CAMTA1: variants seen among roughly 807,000 people sequenced by gnomAD.
CAMTA1 encodes the protein calmodulin binding transcription activator 1.
Under a neutral mutation model 170.9 loss-of-function variants are expected in CAMTA1, and 27 were observed. The observed-to-expected ratio is 0.16, with a 90% CI of 0.12 to 0.22. The LOEUF is 0.22. Ranked by LOEUF, CAMTA1 falls within the 10% of genes least tolerant of loss-of-function variation. The probability of loss-of-function intolerance (pLI) is 1.00; values close to 1 mark genes in which losing one functional copy is unlikely to be tolerated. For synonymous variants in CAMTA1, 833 were observed against 891.5 expected (o/e 0.93, Z 1.17); for missense variants, 1,619 against 2,217.2 (o/e 0.73, Z 5.42).
chr1:7,724,691 C>T (rs1239041240), intron 11 of CAMTA1, among the ~76,000 whole-genome samples: 2 of 151,880 alleles, frequency 1.3e-5, no homozygotes, highest in Admixed American at 1.3e-4. Context: ...GGTGTGGTGG[C>T]TCATGCCTGT....
chr1:6,898,122 A>C (rs1343953885), intron 3 of CAMTA1, among the ~76,000 whole-genome samples: 2 of 152,320 alleles, frequency 1.3e-5, no homozygotes, highest in South Asian at 2.1e-4. Flanking sequence ...TGGCTCATTA[A>C]ATATTTCTTA....
In CAMTA1 at chr1:7,682,850, C is replaced by T. The variant is rs771542390; in HGVS notation, c.2914+5117C>T. Among the ~76,000 whole-genome samples, 3 of 152,204 alleles carry T rather than the reference C, an allele frequency of 2.0e-5. No homozygotes were observed. The highest frequency in any genetic ancestry group is 4.8e-5 in the African/African-American group (2 of 41,460). Reference sequence around the variant, plus strand: ...ACCCTCAGCTGGCCCATGAACACATCGCATGACATGGGATGCTGTAAGAGA... The same window carrying T: ...ACCCTCAGCTGGCCCATGAACACATTGCATGACATGGGATGCTGTAAGAGA... On this transcript the variant is annotated intron_variant, in intron 11 of 22. Coordinates refer to ENST00000303635, the MANE Select transcript of CAMTA1 (RefSeq NM_015215.4). This position sits in a 1 kb window ranked among gnomAD's most constrained non-coding sequence, Gnocchi z 5.0.
chr1:7,476,810 C>T (rs2093426743), intron 6 of CAMTA1, among the ~76,000 whole-genome samples: 1 of 152,214 alleles, frequency 6.6e-6, no homozygotes, highest in African/African-American at 2.4e-5. Context: ...TCATCCTCAT[C>T]CTGTCACCAG....
chr1:6,940,383 A>G (rs180885464), intron 3 of CAMTA1, among the ~76,000 whole-genome samples: 7 of 151,986 alleles, frequency 4.6e-5, no homozygotes, highest in African/African-American at 1.2e-4. Flanking sequence ...GCTTCCCCTC[A>G]CCTTTCTGCT....
chr1:7,542,127 T>C (rs2094619529), intron 6 of CAMTA1, among the ~76,000 whole-genome samples: 1 of 152,224 alleles, frequency 6.6e-6, no homozygotes, highest in Middle Eastern at 3.2e-3. Flanking sequence ...TTTTTCTAAT[T>C]AGAAAAATTA....
intron 11 of CAMTA1, among the ~76,000 whole-genome samples, chr1:7,728,277 C>T (rs943988785): frequency 5.9e-5 from 9 of 152,198 alleles, no homozygotes; most frequent in African/African-American, 9.7e-5. Flanking sequence ...CTGCAGTGCC[C>T]GTGCTTGGCG....
intron 5 of CAMTA1, among the ~76,000 whole-genome samples, chr1:7,411,854 A>C (rs991593038): frequency 2.4e-4 from 36 of 151,752 alleles, no homozygotes; most frequent in African/African-American, 8.0e-4. Flanking sequence ...GTGTACTGCA[A>C]CCATTAACTC....
Position 7,588,302 on chromosome 1 carries a change from G to A in CAMTA1, c.511-52098G>A, listed in dbSNP as rs553798309. On this transcript the variant is annotated intron_variant, in intron 6 of 22. Coordinates refer to ENST00000303635, the MANE Select transcript of CAMTA1 (RefSeq NM_015215.4). The surrounding 1 kb of genome is among the most constrained non-coding windows in gnomAD (Gnocchi z 5.8). ...CTGGTGTGGCCCTGCTGGGGACCCCGGGTCTGTCAGGTCTGGTGAGAGGTG... is the reference window on the plus strand; with the variant it reads ...CTGGTGTGGCCCTGCTGGGGACCCCAGGTCTGTCAGGTCTGGTGAGAGGTG... 4.1e-4 allele frequency among the ~76,000 whole-genome samples: 62 copies of A among 152,260 alleles called. 3 individuals carry two copies. The South Asian group carries it at 0.011, about 26-fold the overall frequency.
At chr1:7,405,117 G>A (rs1210650684) in intron 5 of CAMTA1, among the ~76,000 whole-genome samples, 4 of 152,044 alleles carry the variant, frequency 2.6e-5, no homozygotes, top group South Asian at 2.1e-4. Flanking sequence ...AGAGGTCCCC[G>A]GGCCTTCCCT....
intron 3 of CAMTA1, among the ~76,000 whole-genome samples, chr1:6,912,073 G>A (rs1384471218): frequency 6.6e-6 from 1 of 152,210 alleles, no homozygotes; most frequent in African/African-American, 2.4e-5. Flanking sequence ...CCGGATTGGT[G>A]GGTGGCTCTA....
chr1:7,583,985 G>C (rs1347239115), intron 6 of CAMTA1, among the ~76,000 whole-genome samples: 1 of 152,170 alleles, frequency 6.6e-6, no homozygotes, highest in Non-Finnish European at 1.5e-5. Flanking sequence ...AGATGAGCTG[G>C]GATGGAGAAT....
intron 6 of CAMTA1, among the ~76,000 whole-genome samples, chr1:7,526,957 G>A (rs1294334641): frequency 6.6e-6 from 1 of 152,186 alleles, no homozygotes; most frequent in Non-Finnish European, 1.5e-5. Context: ...GTGTTTCCAA[G>A]AAAGCAGCCT....
At chr1:7,033,388 A>G (rs1322330094) in intron 3 of CAMTA1, among the ~76,000 whole-genome samples, 2 of 151,946 alleles carry the variant, frequency 1.3e-5, no homozygotes, top group Admixed American at 6.6e-5. Context: ...TAATTCTCCC[A>G]TATCTCTTTT....
chr1:7,607,043 T>A (rs1265962253), intron 6 of CAMTA1, among the ~76,000 whole-genome samples: 3 of 152,200 alleles, frequency 2.0e-5, no homozygotes, highest in Admixed American at 2.0e-4. Context: ...GCTCAATACA[T>A]GTTAAATAGA....
At position 7,642,341 on chromosome 1, in the gene CAMTA1, A is replaced by T. The variant is rs933187699; in HGVS notation, c.664+1788A>T. ...AATAGCCCTGGAATGGTGGGGGGGA[A>T]GGGACCTGCCCAGGGTCCTGAGCAG... On this transcript the variant is annotated intron_variant, in intron 7 of 22. Coordinates refer to ENST00000303635, the MANE Select transcript of CAMTA1 (RefSeq NM_015215.4). The surrounding 1 kb of genome is among the most constrained non-coding windows in gnomAD (Gnocchi z 6.3). Among the ~76,000 whole-genome samples, 2 of 152,248 alleles carry T rather than the reference A, an allele frequency of 1.3e-5. No individual in the cohort carries two copies. The highest frequency in any genetic ancestry group is 1.3e-4 in the Admixed American group (2 of 15,302).
rs538200168 is a variant in CAMTA1 at position 7,101,759 on chromosome 1, CAT to C, written c.302+10391_302+10392del. The stretch of plus-strand genomic sequence containing the variant: ...CACAACTACACATGTACACATGACA[CAT>C]ATGCATGAACAAATTTGTAACACAC... On this transcript the variant is annotated intron_variant, in intron 4 of 22. Coordinates refer to ENST00000303635, the MANE Select transcript of CAMTA1 (RefSeq NM_015215.4). Among the ~76,000 whole-genome samples the C allele has an allele frequency of 1.7e-4, 26 of 152,352 alleles. 1 individual carries two copies. Among genetic ancestry groups the C allele is most frequent in the Admixed American group, 9.1e-4 (14 of 15,308 alleles).
intron 4 of CAMTA1, among the ~76,000 whole-genome samples, chr1:7,123,829 A>G (rs1644781804): frequency 6.6e-6 from 1 of 152,172 alleles, no homozygotes; most frequent in African/African-American, 2.4e-5. Context: ...TTGAGGGCAC[A>G]GTGAGAACCA....
In CAMTA1 at chr1:7,411,312, G is replaced by A. The variant is rs115440633; in HGVS notation, c.439-56518G>A. On this transcript the variant is annotated intron_variant, in intron 5 of 22. Transcript: ENST00000303635. ...ATGACAGTTCTAGTCCCCGACTGAC[G>A]CAGGATGTTTCAGCGTCCTATAAGA... 2.7e-3 allele frequency among the ~76,000 whole-genome samples: 417 copies of A among 152,212 alleles called. 2 individuals carry two copies. Among genetic ancestry groups the A allele is most frequent in the African/African-American group, 8.5e-3 (352 of 41,532 alleles).
In CAMTA1 at chr1:7,748,948, T is replaced by C. The variant is rs1401221420; in HGVS notation, c.4689+1167T>C. ...GCCCCATCTCATTTCCTTTTTACAA[T>C]TATTTGAAGTAAGCAGTATTTATTT... is the stretch of plus-strand genomic sequence containing the variant. On this transcript the variant is annotated intron_variant, in intron 19 of 22. Coordinates refer to ENST00000303635, the MANE Select transcript of CAMTA1 (RefSeq NM_015215.4). This position sits in a 1 kb window ranked among gnomAD's most constrained non-coding sequence, Gnocchi z 4.7. Among the ~76,000 whole-genome samples the C allele has an allele frequency of 6.6e-6, 1 of 152,180 alleles. No homozygotes were observed. The highest frequency in any genetic ancestry group is 2.4e-5 in the African/African-American group (1 of 41,444).
Sources: gnomAD v4.1 joint callset for allele counts (sites outside exome capture counted in the v4.1 genomes callset) on GRCh38, gnomAD v4.1.1 for gene constraint, Gnocchi (gnomAD v3.1) non-coding constraint, MANE v1.5 for transcripts, NCBI Gene and HGNC (gene_info 2026-07-23, HGNC 2026-07-21) for gene names.